SSBP2: variants seen among roughly 807,000 people sequenced by gnomAD.
The protein encoded by SSBP2 is single stranded DNA binding protein 2.
In SSBP2, 17 loss-of-function variants were observed where a neutral mutation model predicts 61.8. That is an observed-to-expected ratio of 0.28 (90% CI 0.19 to 0.41). The LOEUF (loss-of-function observed/expected upper bound fraction) is 0.41. Among genes scored for constraint, SSBP2 ranks in the 10% least tolerant of loss-of-function variants. The pLI is 1.00. For missense variants in SSBP2, 310 were observed against 458.7 expected, an observed-to-expected ratio of 0.68 and a Z score of 2.96; for synonymous variants, 139 against 141.3, an observed-to-expected ratio of 0.98 and a Z score of 0.12.
rs557093148 is a variant in SSBP2 at position 81,440,198 on chromosome 5, CAACAACAACAAT to C, written c.928+348_928+359del. ...CCACAGAACTCTAGAGACAAAACAACAACAACAACAATAACAACAACAACAAACAGCTGCAAG... is the reference window on the plus strand; with the variant it reads ...CCACAGAACTCTAGAGACAAAACAACAACAACAACAACAAACAGCTGCAAG... On this transcript the variant is annotated intron_variant, in intron 14 of 16. Coordinates refer to ENST00000320672, the MANE Select transcript of SSBP2 (RefSeq NM_012446.5). 6.8e-3 allele frequency among the ~76,000 whole-genome samples: 1,005 copies of C among 146,986 alleles called. 7 individuals carry two copies. The highest frequency in any genetic ancestry group is 0.024 in the African/African-American group (882 of 36,828).
At chr5:81,537,935 T>C (rs1397217224) in intron 4 of SSBP2, among the ~76,000 whole-genome samples, 1 of 152,184 alleles carries the variant, frequency 6.6e-6, no homozygotes, top group East Asian at 1.9e-4. Flanking sequence ...AAACAAAAGC[T>C]AAAAATGACA....
intron 6 of SSBP2, 63 bp downstream of exon 6, chr5:81,489,187 T>C (rs1766664755): frequency 2.3e-6 from 3 of 1,319,048 alleles, no homozygotes; most frequent in East Asian, 2.4e-5. Context: ...GGATGATAAA[T>C]ATATGTGACA....
intron 3 of SSBP2, among the ~76,000 whole-genome samples, chr5:81,628,226 T>G (rs981062611): frequency 3.3e-5 from 5 of 152,128 alleles, no homozygotes; most frequent in African/African-American, 1.2e-4. Context: ...GGCGACAGCA[T>G]GGAGAAGAAT....
intron 4 of SSBP2, among the ~76,000 whole-genome samples, chr5:81,542,624 C>T (rs1429790684): frequency 7.3e-6 from 1 of 136,722 alleles, no homozygotes; most frequent in African/African-American, 2.6e-5. Flanking sequence ...CAAAAAAGAA[C>T]AAAGTCATGG....
intron 1 of SSBP2, among the ~76,000 whole-genome samples, chr5:81,704,422 C>A (rs542771674): frequency 6.6e-6 from 1 of 152,116 alleles, no homozygotes; most frequent in Non-Finnish European, 1.5e-5. Flanking sequence ...TGTACATATG[C>A]ATACAGGCAC....
At chr5:81,694,134 G>A (rs1041855891) in intron 1 of SSBP2, among the ~76,000 whole-genome samples, 1 of 152,150 alleles carries the variant, frequency 6.6e-6, no homozygotes, top group Non-Finnish European at 1.5e-5. Flanking sequence ...TAAAACAATT[G>A]AACTCATGGA....
At chr5:81,687,580 T>C (rs777635775) in intron 1 of SSBP2, among the ~76,000 whole-genome samples, 2 of 152,124 alleles carry the variant, frequency 1.3e-5, no homozygotes, top group Non-Finnish European at 2.9e-5. Context: ...CTTAAAGCTA[T>C]AGGAGATACT....
intron 8 of SSBP2, among the ~76,000 whole-genome samples, chr5:81,472,872 A>AT (rs1765341509): frequency 6.6e-6 from 1 of 152,230 alleles, no homozygotes; most frequent in Admixed American, 6.5e-5. Flanking sequence ...AAGTGCTGGG[A>AT]TTATAGGCGT....
intron 4 of SSBP2, among the ~76,000 whole-genome samples, chr5:81,554,422 T>A (rs1772438042): frequency 6.6e-6 from 1 of 150,904 alleles, no homozygotes; most frequent in Non-Finnish European, 1.5e-5. Flanking sequence ...ATGTACAATT[T>A]TAAATATATA....
chr5:81,532,850 A>G (rs1191337446), intron 4 of SSBP2, among the ~76,000 whole-genome samples: 2 of 151,968 alleles, frequency 1.3e-5, no homozygotes, highest in Admixed American at 1.3e-4. Context: ...AAACAATATT[A>G]AATGTTTTAT....
chr5:81,560,500 T>A (rs974226114), intron 4 of SSBP2, among the ~76,000 whole-genome samples: 5 of 151,808 alleles, frequency 3.3e-5, no homozygotes, highest in African/African-American at 1.2e-4. Context: ...TTTAGCAAGG[T>A]ACATAGCAGA....
intron 4 of SSBP2, among the ~76,000 whole-genome samples, chr5:81,521,374 G>T (rs1769470161): frequency 6.6e-6 from 1 of 151,832 alleles, no homozygotes; most frequent in Admixed American, 6.6e-5. Context: ...CCAAAATAAT[G>T]ACTTCAACTT....
chr5:81,442,639 A>G lies in SSBP2; in HGVS notation c.849+14T>C. ...TTCAAATACATTCCAAAAATAAAAA[A>G]AGTTCATATTTACATTAGGTCTGTT... is the stretch of plus-strand genomic sequence containing the variant. On this transcript the variant is annotated intron_variant, in intron 13 of 16. Transcript: ENST00000320672. 6.8e-7 allele frequency: 1 copy of G among 1,473,680 alleles called. No homozygotes were observed. Among genetic ancestry groups the G allele is most frequent in the Admixed American group, 1.9e-5 (1 of 51,654 alleles). 91.3% of individuals were successfully genotyped at this position (1,473,680 alleles called of 1,614,324 possible).
intron 9 of SSBP2, among the ~76,000 whole-genome samples, chr5:81,463,465 C>T (rs748164157): frequency 6.6e-6 from 1 of 152,082 alleles, no homozygotes; most frequent in Non-Finnish European, 1.5e-5. Context: ...TTTGCGAGGC[C>T]GAGGCGGGGG....
At chr5:81,503,637 C>T (rs1250293147) in intron 5 of SSBP2, among the ~76,000 whole-genome samples, 2 of 152,248 alleles carry the variant, frequency 1.3e-5, no homozygotes, top group African/African-American at 4.8e-5. Flanking sequence ...TGGGTACATA[C>T]CCAAAGGAAT....
chr5:81,593,130 G>A (rs932340225), intron 4 of SSBP2, among the ~76,000 whole-genome samples: 1 of 152,294 alleles, frequency 6.6e-6, no homozygotes, highest in African/African-American at 2.4e-5. Context: ...AATAACCAAT[G>A]CAGAGAAGTC....
At chr5:81,563,779 A>C (rs1773225215) in intron 4 of SSBP2, among the ~76,000 whole-genome samples, 1 of 152,222 alleles carries the variant, frequency 6.6e-6, no homozygotes, top group Admixed American at 6.5e-5. Flanking sequence ...TAAGACCTGA[A>C]ACCATAAAAC....
At chr5:81,462,518 A>G (rs1235874698) in intron 9 of SSBP2, among the ~76,000 whole-genome samples, 1 of 152,162 alleles carries the variant, frequency 6.6e-6, no homozygotes, top group East Asian at 1.9e-4. Flanking sequence ...ACTTGATAAA[A>G]TTTTGTGCAT....
intron 6 of SSBP2, among the ~76,000 whole-genome samples, chr5:81,479,588 C>T (rs980657940): frequency 1.3e-4 from 15 of 111,822 alleles, no homozygotes; most frequent in African/African-American, 4.4e-4. Context: ...CCACTGTGCC[C>T]GGCCGCTTTG....
Sources: gnomAD v4.1 joint callset for allele counts (sites outside exome capture counted in the v4.1 genomes callset) on GRCh38, gnomAD v4.1.1 for gene constraint, MANE v1.5 for transcripts, NCBI Gene and HGNC (gene_info 2026-07-23, HGNC 2026-07-21) for gene names.